GRAP2: variants seen among roughly 807,000 people sequenced by gnomAD.
GRAP2 encodes the protein GRB2-related adapter protein 2.
GRAP2 carries 31 observed loss-of-function variants against 43.5 expected under a neutral mutation model. The ratio of observed to expected loss-of-function variants is 0.71; its 90% CI spans 0.54 to 0.96. The LOEUF is 0.96. Ranked by LOEUF, GRAP2 falls within the 40% of genes least tolerant of loss-of-function variation. The pLI, the probability that GRAP2 is intolerant of heterozygous loss-of-function variation, is 0.00. For synonymous variants in GRAP2, 156 were observed against 164.8 expected, an observed-to-expected ratio of 0.95 and a Z score of 0.41; for missense variants, 371 against 424.4, an observed-to-expected ratio of 0.87 and a Z score of 1.11.
At chr22:39,901,049 C>T (rs2066489205), upstream of GRAP2, 2 of 323,940 alleles carry the variant, frequency 6.2e-6, no homozygotes, top group Admixed American at 8.4e-5. Flanking sequence ...CTCTCCGAAG[C>T]CCCATATGTG....
chr22:39,958,887 C>A (rs1476978474), intron 3 of GRAP2, among the ~76,000 whole-genome samples: 1 of 152,196 alleles, frequency 6.6e-6, no homozygotes, highest in African/African-American at 2.4e-5. Context: ...CTGCTTTCAG[C>A]CCTCTCAGAG....
intron 4 of GRAP2, among the ~76,000 whole-genome samples, chr22:39,965,566 T>C (rs1339385867): frequency 2.6e-5 from 4 of 152,222 alleles, no homozygotes; most frequent in African/African-American, 9.6e-5. Context: ...TGCTAGCTTA[T>C]GGGCTTAAAG....
At position 39,968,125 on chromosome 22, in the gene GRAP2, G is replaced by A. The variant is rs751528444; in HGVS notation, c.543G>A (p.Ser181=). ...SGAVGEEIRP[S]MNRKLSDHPP... ...CTGTGGGAGAAGAAATCCGACCTTC[G>A]ATGAACCGGAAGCTGTCGGATCACC... Residue 181 remains serine, a synonymous_variant, in exon 6 of 8, where the codon TCG becomes TCA. Transcript: ENST00000344138. 1.0e-5 allele frequency: 16 copies of A among 1,607,986 alleles called. No individual in the cohort carries two copies. Among genetic ancestry groups the A allele is most frequent in the Admixed American group, 8.5e-5 (5 of 58,886 alleles).
chr22:39,912,689 G>A (rs1021146184), intron 1 of GRAP2, among the ~76,000 whole-genome samples: 5 of 152,152 alleles, frequency 3.3e-5, no homozygotes, highest in African/African-American at 7.2e-5. Flanking sequence ...TCAGATGTGC[G>A]ACCATAAACC....
intron 1 of GRAP2, among the ~76,000 whole-genome samples, chr22:39,929,360 A>G (rs2066734652): frequency 6.6e-6 from 1 of 152,194 alleles, no homozygotes; most frequent in South Asian, 2.1e-4. Flanking sequence ...CTGGACAAAT[A>G]TTTACATTTT....
In GRAP2 at chr22:39,971,945, G is replaced by T. The variant is rs1470470173; in HGVS notation, c.*861G>T. The stretch of plus-strand genomic sequence containing the variant: ...CAGTCATTGTTTTATGGTTACAAGG[G>T]TATGTCTTCAGGGCTCTGTTCATTT... On this transcript the variant is annotated 3_prime_UTR_variant, in exon 8 of 8. Coordinates refer to ENST00000344138, the MANE Select transcript of GRAP2 (RefSeq NM_004810.4). The T allele has an allele frequency of 6.6e-6, 1 of 152,234 alleles. No homozygotes were observed. Among genetic ancestry groups the T allele is most frequent in the Non-Finnish European group, 1.5e-5 (1 of 68,054 alleles). 9.4% of individuals were successfully genotyped at this position (152,234 alleles called of 1,614,324 possible). A position where few individuals can be genotyped will look rare whatever the true frequency, so the allele number is the denominator to read the frequency against.
intron 1 of GRAP2, among the ~76,000 whole-genome samples, chr22:39,904,571 C>T (rs2066511834): frequency 6.6e-6 from 1 of 152,148 alleles, no homozygotes; most frequent in African/African-American, 2.4e-5. Context: ...TAAAATAATA[C>T]TTCACTCCTA....
chr22:39,946,426 C>G (rs2066923220), intron 1 of GRAP2, among the ~76,000 whole-genome samples: 1 of 152,164 alleles, frequency 6.6e-6, no homozygotes, highest in African/African-American at 2.4e-5. Context: ...AAGAAGGGGG[C>G]CACTATTTTA....
At chr22:39,911,377 T>C (rs1438102099) in intron 1 of GRAP2, among the ~76,000 whole-genome samples, 1 of 151,744 alleles carries the variant, frequency 6.6e-6, no homozygotes, top group African/African-American at 2.4e-5. Context: ...CTCTCTTCCC[T>C]CCATCACCTC....
chr22:39,965,324 G>C (rs2067161077), intron 4 of GRAP2, among the ~76,000 whole-genome samples: 1 of 152,124 alleles, frequency 6.6e-6, no homozygotes, highest in South Asian at 2.1e-4. Flanking sequence ...AGTGAGCAGA[G>C]ATCACACCAC....
At chr22:39,935,444 A>C (rs1037300028) in intron 1 of GRAP2, among the ~76,000 whole-genome samples, 3 of 152,240 alleles carry the variant, frequency 2.0e-5, no homozygotes, top group Non-Finnish European at 4.4e-5. Context: ...AAAAAGAAAG[A>C]GAACTATTTT....
At chr22:39,950,641 C>T (rs1012960758) in intron 2 of GRAP2, among the ~76,000 whole-genome samples, 1 of 152,248 alleles carries the variant, frequency 6.6e-6, no homozygotes, top group Non-Finnish European at 1.5e-5. Flanking sequence ...AATAGATGCC[C>T]AGTACATATT....
At chr22:39,931,659 A>G (rs555195850) in intron 1 of GRAP2, among the ~76,000 whole-genome samples, 38 of 152,298 alleles carry the variant, frequency 2.5e-4, no homozygotes, top group South Asian at 6.2e-4. Context: ...TTGACGAGTT[A>G]TAGGCATGAG....
intron 1 of GRAP2, among the ~76,000 whole-genome samples, chr22:39,940,336 T>A (rs997871674): frequency 2.0e-5 from 3 of 151,852 alleles, no homozygotes; most frequent in Non-Finnish European, 4.4e-5. Context: ...GGGGAAAGGC[T>A]ACTCCTTGGT....
At position 39,966,107 on chromosome 22, in the gene GRAP2, C is replaced by T. The variant is rs747157900; in HGVS notation, c.408C>T (p.Ser136=). 8 of 1,614,050 alleles carry T rather than the reference C, an allele frequency of 5.0e-6. No homozygotes were observed. The South Asian group carries it at 8.8e-5, about 18-fold the overall frequency. ...TGGTAGACTACTACAGGACAAATTC[C>T]ATCTCCAGACAGAAGCAGATCTTCC... ...NKLVDYYRTN[S]ISRQKQIFLR... is the part of the protein sequence containing the mutation. The change falls in exon 5 of 8, where the codon TCC becomes TCT. Residue 136 remains serine (S), a synonymous_variant. Transcript: ENST00000344138.
At chr22:39,963,707 C>G (rs947363072) in intron 4 of GRAP2, among the ~76,000 whole-genome samples, 2 of 152,154 alleles carry the variant, frequency 1.3e-5, no homozygotes, top group African/African-American at 4.8e-5. Flanking sequence ...TAACACAGGT[C>G]CCTAAATCCA....
Position 39,964,475 on chromosome 22 carries a change from A to C in GRAP2, c.291-1515A>C, listed in dbSNP as rs1414198674. 3.9e-6 allele frequency: 4 copies of C among 1,021,952 alleles called. No individual in the cohort carries two copies. The African/African-American group carries it at 6.3e-5, about 16-fold the overall frequency. The allele number at this position is 1,021,952 out of a possible 1,614,324, so 63.3% of individuals were successfully genotyped here. Reference sequence around the variant, plus strand: ...GAGAAGGCTTTCAAGCAGAAACAAAAAGAGGAGCAGAAGAAACTCGAGGTG... The same window carrying C: ...GAGAAGGCTTTCAAGCAGAAACAAACAGAGGAGCAGAAGAAACTCGAGGTG... On this transcript the variant is annotated intron_variant, in intron 4 of 7. Coordinates refer to ENST00000344138, the MANE Select transcript of GRAP2 (RefSeq NM_004810.4).
chr22:39,926,354 C>T (rs773706300), intron 1 of GRAP2, among the ~76,000 whole-genome samples: 8 of 151,888 alleles, frequency 5.3e-5, no homozygotes, highest in Non-Finnish European at 7.4e-5. Flanking sequence ...AACATGCACA[C>T]GCAGCAGAGA....
intron 1 of GRAP2, among the ~76,000 whole-genome samples, chr22:39,929,279 A>G (rs1002562581): frequency 5.3e-5 from 8 of 151,614 alleles, no homozygotes; most frequent in African/African-American, 1.9e-4. Context: ...AAAGAGAGAA[A>G]GAGAGAGAGA....
Sources: allele counts gnomAD v4.1 joint callset (sites outside exome capture counted in the v4.1 genomes callset), GRCh38; gene constraint gnomAD v4.1.1; transcripts MANE v1.5; gene names NCBI Gene and HGNC (gene_info 2026-07-23, HGNC 2026-07-21).